NAV1: variants seen among roughly 807,000 people sequenced by gnomAD.
NAV1 encodes pore membrane and/or filament interacting like protein 3.
Under a neutral mutation model 175.2 loss-of-function variants are expected in NAV1, and 18 were observed. The observed-to-expected ratio is 0.10, with a 90% CI of 0.07 to 0.15. The LOEUF (loss-of-function observed/expected upper bound fraction) is 0.15, where lower values mean the gene tolerates loss of function less well. Ranked by LOEUF, NAV1 falls within the 10% of genes least tolerant of loss-of-function variation. The pLI is 1.00. For missense variants in NAV1, 1,731 were observed against 2,436.6 expected (o/e 0.71, Z 6.10); for synonymous variants, 897 against 978.7 (o/e 0.92, Z 1.56).
Position 201,788,763 on chromosome 1 carries a change from C to G in NAV1, c.3166+125C>G. 1 of 1,221,012 alleles carries G rather than the reference C, an allele frequency of 8.2e-7. No individual in the cohort carries two copies. Among genetic ancestry groups the G allele is most frequent in the South Asian group, 1.5e-5 (1 of 66,400 alleles). 75.6% of individuals were successfully genotyped at this position (1,221,012 alleles called of 1,614,324 possible). A position where few individuals can be genotyped will look rare whatever the true frequency, so the allele number is the denominator to read the frequency against. On this transcript the variant is annotated intron_variant, in intron 10 of 29. Coordinates refer to ENST00000367296, the Ensembl canonical transcript of NAV1. The surrounding 1 kb of genome is among the most constrained non-coding windows in gnomAD (Gnocchi z 5.7). Reference sequence around the variant, plus strand: ...ATGATTCACAGAACATCAAGTTGGGCCATTTCAGTTTTTTCTCCCCATCCC... The same window carrying G: ...ATGATTCACAGAACATCAAGTTGGGGCATTTCAGTTTTTTCTCCCCATCCC...
chr1:201,684,003 A>G (rs1278081817), intron 1 of NAV1, among the ~76,000 whole-genome samples: 5 of 152,158 alleles, frequency 3.3e-5, no homozygotes, highest in Non-Finnish European at 5.9e-5. Context: ...TTGAGTTATA[A>G]TCCAGTTCTA....
At chr1:201,818,472 G>A (rs1679197923) in intron 29 of NAV1, among the ~76,000 whole-genome samples, 1 of 150,918 alleles carries the variant, frequency 6.6e-6, no homozygotes, top group Non-Finnish European at 1.5e-5. Context: ...AGCTTGCAGT[G>A]AGCCGAGATC....
At chr1:201,562,159 C>A (rs1231781598) in intron 1 of NAV1, among the ~76,000 whole-genome samples, 7 of 146,532 alleles carry the variant, frequency 4.8e-5, no homozygotes. Flanking sequence ...CACACACCAC[C>A]TTGCCTGGCT....
chr1:201,640,456 A>G (rs1205100716), intron 2 of NAV1, among the ~76,000 whole-genome samples: 5 of 152,188 alleles, frequency 3.3e-5, no homozygotes, highest in Non-Finnish European at 5.9e-5. Context: ...CTGAAGTCCC[A>G]GCTGGGATTA....
At chr1:201,616,662 T>C (rs1046200974) in intron 2 of NAV1, among the ~76,000 whole-genome samples, 11 of 152,270 alleles carry the variant, frequency 7.2e-5, no homozygotes, top group African/African-American at 2.6e-4. Flanking sequence ...TAATTTTGTA[T>C]TTTCAGTAGA....
chr1:201,799,198 A>G (rs200309039), intron 15 of NAV1, among the ~76,000 whole-genome samples: 58 of 115,564 alleles, frequency 5.0e-4, no homozygotes, highest in African/African-American at 1.7e-3. Flanking sequence ...GTGTGTGTGG[A>G]GAGAGAGAGA....
chr1:201,798,085 G>A (rs1275709998), intron 15 of NAV1: 3 of 152,110 alleles, frequency 2.0e-5, no homozygotes, highest in African/African-American at 7.2e-5. Context: ...CGTATCTCAG[G>A]TATTATCATT....
Position 201,648,807 on chromosome 1 carries a change from G to T in NAV1, c.139G>T (p.Ala47Ser), listed in dbSNP as rs981895994. Residue 47 changes from alanine (A) to serine (S), a missense_variant, in exon 1 of 30, where the codon GCC (alanine) becomes TCC (serine). By Grantham distance (99) the Ala-to-Ser change is moderately conservative (BLOSUM62 1). Transcript: ENST00000367296. The stretch of plus-strand genomic sequence containing the variant: ...CGGCAGAGGCATGCTGCCCAAGCGC[G>T]CCAAGGCGCCCGGCGGCGGCGGCGG... 36 of 1,560,822 alleles carry T rather than the reference G, an allele frequency of 2.3e-5. No individual in the cohort carries two copies. Among genetic ancestry groups the T allele is most frequent in the Non-Finnish European group, 2.9e-5 (33 of 1,156,572 alleles).
chr1:201,790,747 C>T, exon 13 of NAV1: 3 of 1,614,150 alleles, frequency 1.9e-6, no homozygotes, highest in Non-Finnish European at 2.5e-6. Context: ...GCCACCTTGA[C>T]GTCTCAGCTT....
At chr1:201,715,705 G>A (rs1323488919) in intron 2 of NAV1, among the ~76,000 whole-genome samples, 2 of 152,202 alleles carry the variant, frequency 1.3e-5, no homozygotes, top group Non-Finnish European at 1.5e-5. Context: ...CATCCTCGGA[G>A]CTTATGGTCC....
intron 3 of NAV1, among the ~76,000 whole-genome samples, chr1:201,779,161 G>T (rs1319576240): frequency 6.6e-6 from 1 of 152,182 alleles, no homozygotes; most frequent in Non-Finnish European, 1.5e-5. Flanking sequence ...CAGAATTCGA[G>T]CTTAGAAAAC....
chr1:201,672,937 C>T (rs2102382141), intron 1 of NAV1, among the ~76,000 whole-genome samples: 1 of 152,290 alleles, frequency 6.6e-6, no homozygotes. Flanking sequence ...CGACTGAAGC[C>T]CTTGGGGTGC....
chr1:201,582,577 T>A (rs1447649160), intron 1 of NAV1, among the ~76,000 whole-genome samples: 1 of 151,436 alleles, frequency 6.6e-6, no homozygotes, highest in Non-Finnish European at 1.5e-5. Context: ...GCCAGCCAGC[T>A]CCCCCACACA....
At chr1:201,714,795 A>G (rs183909199) in intron 2 of NAV1, among the ~76,000 whole-genome samples, 5 of 152,266 alleles carry the variant, frequency 3.3e-5, no homozygotes, top group Admixed American at 1.3e-4. Context: ...CCACACCCCA[A>G]ATGACTCACT....
At chr1:201,620,453 CTTTTTT>C (rs71861939), upstream of NAV1, among the ~76,000 whole-genome samples, 3 of 94,530 alleles carry the variant, frequency 3.2e-5, no homozygotes, top group Admixed American at 1.2e-4. Context: ...GACATATACT[CTTTTTT>C]TTTTTTTTTT....
chr1:201,649,381 C>T, exon 1 of NAV1: 2 of 1,599,364 alleles, frequency 1.3e-6, no homozygotes, highest in Non-Finnish European at 1.7e-6. Flanking sequence ...CTGGTGGTGA[C>T]CGTGCTGGGA....
intron 3 of NAV1, among the ~76,000 whole-genome samples, chr1:201,744,581 A>G (rs992421604): frequency 6.6e-6 from 1 of 152,142 alleles, no homozygotes; most frequent in Non-Finnish European, 1.5e-5. Context: ...CTGGTTGAGG[A>G]GGCAGAAGGC....
chr1:201,653,239 C>T (rs543470165), intron 1 of NAV1, among the ~76,000 whole-genome samples: 2 of 152,192 alleles, frequency 1.3e-5, no homozygotes, highest in Non-Finnish European at 2.9e-5. Context: ...AGTCTTTTGA[C>T]ACTCCAGGTG....
intron 1 of NAV1, among the ~76,000 whole-genome samples, chr1:201,656,071 C>A (rs1669392059): frequency 6.6e-6 from 1 of 152,248 alleles, no homozygotes; most frequent in South Asian, 2.1e-4. Flanking sequence ...CCTGCCAGCG[C>A]TGTTGTATGT....
Sources: gnomAD v4.1 joint callset for allele counts (sites outside exome capture counted in the v4.1 genomes callset) on GRCh38, gnomAD v4.1.1 for gene constraint, Gnocchi (gnomAD v3.1) non-coding constraint, MANE v1.5 for transcripts, NCBI Gene and HGNC (gene_info 2026-07-23, HGNC 2026-07-21) for gene names.